Variants in SYT14 observed in about 807,000 individuals in gnomAD.
SYT14 encodes synaptotagmin 14.
A neutral mutation model predicts 74.2 loss-of-function variants in SYT14; 32 were observed. That is an observed-to-expected ratio of 0.43 (90% confidence interval 0.33 to 0.58). SYT14 has a LOEUF of 0.58. Among genes scored for constraint, SYT14 ranks in the 20% least tolerant of loss-of-function variants. The pLI is 0.05. For missense variants in SYT14, 791 were observed against 981.8 expected, an observed-to-expected ratio of 0.81 and a Z score of 2.60; for synonymous variants, 298 against 337.7, an observed-to-expected ratio of 0.88 and a Z score of 1.29.
chr1:210,130,242 A>G (rs145231207), intron 7 of SYT14, among the ~76,000 whole-genome samples: 276 of 152,370 alleles, frequency 1.8e-3, no homozygotes, highest in African/African-American at 5.6e-3. Flanking sequence ...TACATTTCAT[A>G]TATACTGTAA....
At chr1:210,117,929 T>C (rs2082390554) in intron 7 of SYT14, among the ~76,000 whole-genome samples, 1 of 152,232 alleles carries the variant, frequency 6.6e-6, no homozygotes, top group African/African-American at 2.4e-5. Flanking sequence ...GGATTCATTT[T>C]GTTGAGCCAT....
At chr1:210,147,296 G>C (rs12129125) in intron 7 of SYT14, among the ~76,000 whole-genome samples, 6 of 152,090 alleles carry the variant, frequency 3.9e-5, no homozygotes, top group Non-Finnish European at 8.8e-5. Context: ...TTGGAGAGTG[G>C]AATAAGAATG....
intron 2 of SYT14, among the ~76,000 whole-genome samples, chr1:209,972,315 T>A (rs1049602515): frequency 7.9e-5 from 12 of 152,052 alleles, no homozygotes; most frequent in African/African-American, 2.9e-4. Flanking sequence ...ACTTTTGGTT[T>A]CATTGATTCT....
chr1:210,160,891 A>G (rs776431702), exon 10 of SYT14: 2 of 1,614,030 alleles, frequency 1.2e-6, no homozygotes, highest in Non-Finnish European at 1.7e-6. Flanking sequence ...CTGTCTGTGT[A>G]TAACAAACGC....
chr1:209,944,572 G>A (rs1339930324), intron 1 of SYT14, among the ~76,000 whole-genome samples: 2 of 152,162 alleles, frequency 1.3e-5, no homozygotes, highest in African/African-American at 4.8e-5. Context: ...GTTTCAAAGT[G>A]TAGGCTGCTA....
chr1:210,049,916 C>T (rs1304974422), intron 5 of SYT14, among the ~76,000 whole-genome samples: 1 of 152,172 alleles, frequency 6.6e-6, no homozygotes, highest in Non-Finnish European at 1.5e-5. Flanking sequence ...ACTTTTTCTT[C>T]CTTGGCCTTC....
At chr1:210,116,575 G>C (rs1327381247) in intron 7 of SYT14, among the ~76,000 whole-genome samples, 1 of 152,206 alleles carries the variant, frequency 6.6e-6, no homozygotes, top group Admixed American at 6.5e-5. Flanking sequence ...TCAAACTCCT[G>C]ACTTCAAGTG....
Position 210,028,557 on chromosome 1 carries a change from G to A in SYT14, c.1312+7303G>A, listed in dbSNP as rs12565234. On this transcript the variant is annotated intron_variant, in intron 5 of 9. Transcript: ENST00000637265. ...TTTTGTGACCAACTTATTTCACTTAGCATAATGTCCCCAGTTTCGTCTGTG... is the reference window on the plus strand; with the variant it reads ...TTTTGTGACCAACTTATTTCACTTAACATAATGTCCCCAGTTTCGTCTGTG... Among the ~76,000 whole-genome samples, 2,370 of 152,074 alleles carry A rather than the reference G, an allele frequency of 0.016. 189 individuals carry two copies. In the East Asian group the frequency reaches 0.25, roughly 16 times the overall value.
intron 5 of SYT14, 115 bp from the exon 5 acceptor site, chr1:210,094,207 T>G (rs2081927498): frequency 3.7e-6 from 5 of 1,367,364 alleles, no homozygotes; most frequent in Non-Finnish European, 5.1e-6. Context: ...AATCTAATAG[T>G]TATGTTGCCA....
At chr1:209,967,704 C>T (rs2079177111) in intron 2 of SYT14, among the ~76,000 whole-genome samples, 1 of 151,944 alleles carries the variant, frequency 6.6e-6, no homozygotes, top group African/African-American at 2.4e-5. Context: ...TATTTTTTCA[C>T]TGATCATTAT....
intron 1 of SYT14, among the ~76,000 whole-genome samples, chr1:209,939,003 C>T (rs1018157098): frequency 6.6e-6 from 1 of 152,150 alleles, no homozygotes; most frequent in Non-Finnish European, 1.5e-5. Flanking sequence ...TATAGTGCCA[C>T]AATGCTCATA....
At chr1:210,059,451 TAGAGAGAGAGAG>T (rs1553272603) in intron 5 of SYT14, among the ~76,000 whole-genome samples, 8 of 69,902 alleles carry the variant, frequency 1.1e-4, no homozygotes, top group East Asian at 4.3e-4. Flanking sequence ...TATATATATA[TAGAGAGAGAGAG>T]AGAGAGAGAG....
intron 5 of SYT14, among the ~76,000 whole-genome samples, chr1:210,062,891 C>T (rs2081231203): frequency 1.3e-5 from 2 of 151,442 alleles, no homozygotes. Context: ...TGTGTGTATG[C>T]ATGTATATTT....
chr1:210,118,834 T>TGAGG (rs2082406502), intron 7 of SYT14, among the ~76,000 whole-genome samples: 1 of 152,108 alleles, frequency 6.6e-6, no homozygotes, highest in African/African-American at 2.4e-5. Flanking sequence ...TAACATTGAG[T>TGAGG]GAGGTTGTTC....
At chr1:210,167,581 A>T (rs1355926428) in exon 10 of SYT14, 1 of 152,186 alleles carries the variant, frequency 6.6e-6, no homozygotes, top group African/African-American at 2.4e-5. Context: ...CCCCACAAAG[A>T]TATGTGGTTA....
chr1:210,055,536 G>T (rs1488086837), intron 5 of SYT14, among the ~76,000 whole-genome samples: 1 of 151,926 alleles, frequency 6.6e-6, no homozygotes, highest in Non-Finnish European at 1.5e-5. Flanking sequence ...AGAATTGTTG[G>T]CCAGACACGG....
At chr1:210,163,857 G>C (rs184379158) in exon 10 of SYT14, 5 of 453,608 alleles carry the variant, frequency 1.1e-5, no homozygotes, top group African/African-American at 1.0e-4. Context: ...TTCTATCTCA[G>C]TAATTATAGC....
At chr1:209,997,502 G>T (rs1350600848) in intron 2 of SYT14, among the ~76,000 whole-genome samples, 1 of 152,102 alleles carries the variant, frequency 6.6e-6, no homozygotes, top group Non-Finnish European at 1.5e-5. Flanking sequence ...CTATTCTCAT[G>T]AATTGGAAGA....
intron 7 of SYT14, among the ~76,000 whole-genome samples, chr1:210,127,288 C>T (rs537509323): frequency 6.6e-6 from 1 of 152,248 alleles, no homozygotes; most frequent in Admixed American, 6.5e-5. Flanking sequence ...GTGGCTTGAG[C>T]AATCTATAAG....
Sources: allele counts gnomAD v4.1 joint callset (sites outside exome capture counted in the v4.1 genomes callset), GRCh38; gene constraint gnomAD v4.1.1; transcripts MANE v1.5; gene names NCBI Gene and HGNC (gene_info 2026-07-23, HGNC 2026-07-21).